Variants in CDH13 observed in about 807,000 individuals in gnomAD.
CDH13 encodes cadherin-13.
Under a neutral mutation model 63.8 loss-of-function variants are expected in CDH13, and 24 were observed. The observed-to-expected ratio is 0.38, with a 90% CI of 0.27 to 0.53. The LOEUF (loss-of-function observed/expected upper bound fraction) is 0.53. Ranked by LOEUF, CDH13 falls within the 20% of genes least tolerant of loss-of-function variation. The pLI, the probability that CDH13 is intolerant of heterozygous loss-of-function variation, is 0.85. For missense variants in CDH13, 1,049 were observed against 903.1 expected (o/e 1.16, Z -2.07); for synonymous variants, 503 against 355.3 (o/e 1.42, Z -4.67).
chr16:83,086,122 A>G (rs2033581038), intron 3 of CDH13, among the ~76,000 whole-genome samples: 1 of 152,206 alleles, frequency 6.6e-6, no homozygotes, highest in Non-Finnish European at 1.5e-5. Flanking sequence ...CAAAATGGTT[A>G]ATGAAATACC....
In CDH13 at chr16:82,669,057, A is replaced by G. The variant is rs1912936732; in HGVS notation, c.45+41920A>G. 2.0e-5 allele frequency among the ~76,000 whole-genome samples: 3 copies of G among 152,208 alleles called. No individual in the cohort carries two copies. In the South Asian group the frequency reaches 6.2e-4, roughly 31 times the overall value. On this transcript the variant is annotated intron_variant, in intron 1 of 13. Coordinates refer to ENST00000567109, the MANE Select transcript of CDH13 (RefSeq NM_001257.5). ...CCGAGGGAGTAAATTAGCGGGATCC[A>G]CAAGCCACGGATGAGCCTTGAACCA...
intron 10 of CDH13, among the ~76,000 whole-genome samples, chr16:83,699,609 C>G (rs936331208): frequency 6.6e-6 from 1 of 152,172 alleles, no homozygotes; most frequent in East Asian, 1.9e-4. Flanking sequence ...CTCCCCAGTC[C>G]TCCCTTGGCA....
intron 7 of CDH13, among the ~76,000 whole-genome samples, chr16:83,597,188 A>G (rs894593131): frequency 6.6e-6 from 1 of 151,584 alleles, no homozygotes; most frequent in African/African-American, 2.4e-5. Context: ...ATGCCACTGC[A>G]CTCCAGCCTG....
chr16:83,211,509 G>C (rs1312548595), intron 4 of CDH13, among the ~76,000 whole-genome samples: 2 of 152,112 alleles, frequency 1.3e-5, no homozygotes, highest in Non-Finnish European at 2.9e-5. Context: ...TCATATGTAT[G>C]CAAATACATT....
chr16:83,396,150 T>C (rs1223347957), intron 6 of CDH13, among the ~76,000 whole-genome samples: 1 of 152,202 alleles, frequency 6.6e-6, no homozygotes, highest in African/African-American at 2.4e-5. Context: ...CTGCATAGTA[T>C]TCCGTGGTGT....
At chr16:83,611,308 C>A (rs1567804049) in intron 8 of CDH13, among the ~76,000 whole-genome samples, 1 of 151,886 alleles carries the variant, frequency 6.6e-6, no homozygotes, top group South Asian at 2.1e-4. Context: ...TGGTTAATGT[C>A]ATCTGTGCTC....
intron 2 of CDH13, among the ~76,000 whole-genome samples, chr16:82,918,924 A>G (rs960019698): frequency 6.6e-6 from 1 of 152,196 alleles, no homozygotes; most frequent in Non-Finnish European, 1.5e-5. Context: ...CTGTTTGATA[A>G]AACTATGCAT....
chr16:83,511,058 A>G (rs766822248), intron 7 of CDH13, among the ~76,000 whole-genome samples: 20 of 97,790 alleles, frequency 2.0e-4, no homozygotes, highest in Non-Finnish European at 3.8e-4. Flanking sequence ...GTGTGCACAC[A>G]CAGACACGCA....
At chr16:83,753,658 T>G (rs11640270) in intron 11 of CDH13, among the ~76,000 whole-genome samples, 4,902 of 152,246 alleles carry the variant, frequency 0.032, 118 homozygotes, top group East Asian at 0.085. Context: ...GAATAAGGAT[T>G]TTTGGCATAT....
intron 3 of CDH13, among the ~76,000 whole-genome samples, chr16:83,046,362 T>A (rs906617788): frequency 1.3e-5 from 2 of 152,216 alleles, no homozygotes; most frequent in Non-Finnish European, 2.9e-5. Flanking sequence ...ACAACTGTTT[T>A]TCTTCCAGCA....
chr16:83,118,244 G>A (rs554017097), intron 3 of CDH13, among the ~76,000 whole-genome samples: 4 of 152,288 alleles, frequency 2.6e-5, no homozygotes, highest in Non-Finnish European at 4.4e-5. Flanking sequence ...GCGTGCCTAC[G>A]TCTGTTCCTG....
At chr16:83,122,341 A>G (rs945945378) in intron 3 of CDH13, among the ~76,000 whole-genome samples, 4 of 152,096 alleles carry the variant, frequency 2.6e-5, no homozygotes, top group Admixed American at 2.6e-4. Context: ...GTTTATTTTT[A>G]TGTTTTCCTT....
At chr16:83,128,851 T>G (rs2035924590) in intron 4 of CDH13, among the ~76,000 whole-genome samples, 1 of 152,222 alleles carries the variant, frequency 6.6e-6, no homozygotes, top group Non-Finnish European at 1.5e-5. Context: ...TTGCCCATAC[T>G]TGTTCTCAAC....
intron 6 of CDH13, among the ~76,000 whole-genome samples, chr16:83,459,619 C>T (rs577053360): frequency 3.2e-4 from 48 of 152,230 alleles, no homozygotes; most frequent in African/African-American, 1.0e-3. Context: ...CTGACAGATT[C>T]GCAGATTTGT....
chr16:83,551,872 A>G (rs2075506761), intron 7 of CDH13, among the ~76,000 whole-genome samples: 1 of 152,208 alleles, frequency 6.6e-6, no homozygotes, highest in African/African-American at 2.4e-5. Flanking sequence ...GGTTCCTGGC[A>G]CATAATTACT....
At position 83,272,026 on chromosome 16, in the gene CDH13, T is replaced by G. The variant is rs76243082; in HGVS notation, c.636+54529T>G. On this transcript the variant is annotated intron_variant, in intron 5 of 13. Coordinates refer to ENST00000567109, the MANE Select transcript of CDH13 (RefSeq NM_001257.5). ...CAGCTTAAAAAGTGTTTTTCATCCA[T>G]TATCTCTCTTAATTTTCATATTGAT... Among the ~76,000 whole-genome samples the G allele has an allele frequency of 6.1e-3, 935 of 152,306 alleles. 35 individuals carry two copies. The East Asian group carries it at 0.12, about 20-fold the overall frequency.
At chr16:83,000,803 T>G (rs932183708) in intron 2 of CDH13, among the ~76,000 whole-genome samples, 2 of 151,964 alleles carry the variant, frequency 1.3e-5, no homozygotes, top group African/African-American at 4.8e-5. Flanking sequence ...ATGATCTCAA[T>G]CTCCTGCCCG....
intron 6 of CDH13, among the ~76,000 whole-genome samples, chr16:83,432,495 A>G (rs534449833): frequency 6.6e-6 from 1 of 152,330 alleles, no homozygotes; most frequent in South Asian, 2.1e-4. Context: ...CTTCTGGGGC[A>G]TGGAGAACAG....
At chr16:82,783,426 G>C (rs1240523200) in intron 1 of CDH13, among the ~76,000 whole-genome samples, 3 of 152,244 alleles carry the variant, frequency 2.0e-5, no homozygotes, top group African/African-American at 7.2e-5. Flanking sequence ...TTGCAGAGCT[G>C]CGTGAGCCTG....
Sources: gnomAD v4.1 joint callset for allele counts (sites outside exome capture counted in the v4.1 genomes callset) on GRCh38, gnomAD v4.1.1 for gene constraint, MANE v1.5 for transcripts, NCBI Gene and HGNC (gene_info 2026-07-23, HGNC 2026-07-21) for gene names.